Variants in AKT3 observed in about 807,000 individuals in gnomAD.
AKT3 encodes the protein AKT serine/threonine kinase 3.
A neutral mutation model predicts 65.3 loss-of-function variants in AKT3; 15 were observed. The observed-to-expected ratio is 0.23, with a 90% CI of 0.15 to 0.35. AKT3 has a LOEUF of 0.35. Among genes scored for constraint, AKT3 ranks in the 10% least tolerant of loss-of-function variants. AKT3 has a pLI of 1.00. For synonymous variants in AKT3, 206 were observed against 183.8 expected (o/e 1.12, Z -0.98); for missense variants, 243 against 576.5 (o/e 0.42, Z 5.92).
In AKT3 at chr1:243,610,779, C is replaced by T. The variant is rs905957620; in HGVS notation, c.696+2892G>A. ...CGATCAATAGACAAACATATATACA[C>T]ATGTTTACGGTCTAATTTTATTTTA... On this transcript the variant is annotated intron_variant, in intron 8 of 13. Coordinates refer to ENST00000673466, the MANE Select transcript of AKT3 (RefSeq NM_005465.7). Among the ~76,000 whole-genome samples the T allele has an allele frequency of 9.2e-5, 14 of 152,318 alleles. No homozygotes were observed. The East Asian group carries it at 1.5e-3, about 17-fold the overall frequency.
At chr1:243,829,812 C>T (rs1694389844) in intron 2 of AKT3, among the ~76,000 whole-genome samples, 1 of 152,198 alleles carries the variant, frequency 6.6e-6, no homozygotes, top group Non-Finnish European at 1.5e-5. Context: ...TTTATATAAT[C>T]AAAACATAAT....
At chr1:243,750,908 T>C (rs1382179587) in intron 2 of AKT3, among the ~76,000 whole-genome samples, 1 of 152,088 alleles carries the variant, frequency 6.6e-6, no homozygotes, top group Non-Finnish European at 1.5e-5. Context: ...TCAATAACTG[T>C]TCATTAAAAA....
chr1:243,803,645 TACACACACACACACACACACAC>T (rs72379577), intron 2 of AKT3, among the ~76,000 whole-genome samples: 10 of 136,626 alleles, frequency 7.3e-5, no homozygotes, highest in Admixed American at 1.5e-4. Flanking sequence ...GACGTACATG[TACACACACACACACACACACAC>T]ACACACACAC....
chr1:243,645,531 G>A lies in AKT3; in HGVS notation c.429+362C>T, dbSNP rs74991926. On this transcript the variant is annotated intron_variant, in intron 5 of 13. Transcript: ENST00000673466. ...CGAGCCATTACTGCTCGTGCTTTTC[G>A]GGAGAATACGAAATGCGAAATGGAA... 5.1e-3 allele frequency among the ~76,000 whole-genome samples: 782 copies of A among 152,196 alleles called. 9 individuals carry two copies. Among genetic ancestry groups the A allele is most frequent in the African/African-American group, 0.018 (737 of 41,514 alleles).
At chr1:243,746,369 T>A (rs141556120) in intron 2 of AKT3, among the ~76,000 whole-genome samples, 1 of 152,332 alleles carries the variant, frequency 6.6e-6, no homozygotes, top group African/African-American at 2.4e-5. Flanking sequence ...CTAAACATGC[T>A]TTATCTTGAG....
At chr1:243,787,203 G>A (rs970784775) in intron 2 of AKT3, among the ~76,000 whole-genome samples, 6 of 152,120 alleles carry the variant, frequency 3.9e-5, no homozygotes, top group East Asian at 1.9e-4. Context: ...AATTACACAC[G>A]TGAAACTTTA....
intron 6 of AKT3, among the ~76,000 whole-genome samples, chr1:243,618,021 T>C (rs148148566): frequency 5.3e-5 from 8 of 152,332 alleles, no homozygotes; most frequent in East Asian, 1.9e-4. Flanking sequence ...GAGAAAAGTA[T>C]GTATGAAATT....
At chr1:243,697,165 A>AAAT (rs1553435407) in intron 2 of AKT3, among the ~76,000 whole-genome samples, 1 of 152,066 alleles carries the variant, frequency 6.6e-6, no homozygotes, top group Non-Finnish European at 1.5e-5. Context: ...ACTTGAAAAT[A>AAAT]AATTTATTAC....
intron 10 of AKT3, among the ~76,000 whole-genome samples, chr1:243,560,733 T>C (rs564358093): frequency 6.6e-6 from 1 of 152,156 alleles, no homozygotes; most frequent in Non-Finnish European, 1.5e-5. Context: ...CAGAAACAAG[T>C]GGACTCTTCT....
At chr1:243,849,016 G>A (rs1695633567) in intron 1 of AKT3, among the ~76,000 whole-genome samples, 1 of 152,122 alleles carries the variant, frequency 6.6e-6, no homozygotes, top group African/African-American at 2.4e-5. Flanking sequence ...GAAAAACCTG[G>A]CCCCAACGAG....
At chr1:243,510,959 G>C (rs1359107088) in intron 13 of AKT3, among the ~76,000 whole-genome samples, 1 of 152,250 alleles carries the variant, frequency 6.6e-6, no homozygotes, top group African/African-American at 2.4e-5. Flanking sequence ...TCTATGCTGG[G>C]GACAGAGGCC....
chr1:243,653,472 G>A (rs1219933648), intron 4 of AKT3, among the ~76,000 whole-genome samples: 2 of 152,174 alleles, frequency 1.3e-5, no homozygotes, highest in Admixed American at 6.5e-5. Flanking sequence ...TAGAAAAAGA[G>A]GGAATCCTCC....
At chr1:243,753,999 T>C (rs540247493) in intron 2 of AKT3, among the ~76,000 whole-genome samples, 8 of 152,330 alleles carry the variant, frequency 5.3e-5, no homozygotes, top group Admixed American at 2.0e-4. Flanking sequence ...TCTTATTCTC[T>C]GGGTAGATAA....
chr1:243,684,099 A>AT (rs546822330), intron 3 of AKT3, among the ~76,000 whole-genome samples: 150 of 147,844 alleles, frequency 1.0e-3, no homozygotes, highest in African/African-American at 1.1e-3. Flanking sequence ...GATCTTATTT[A>AT]TTTTTTTTTT....
intron 3 of AKT3, among the ~76,000 whole-genome samples, chr1:243,694,745 T>C (rs761931763): frequency 2.4e-4 from 37 of 151,988 alleles, no homozygotes; most frequent in Non-Finnish European, 4.1e-4. Context: ...TTTTCTTGAA[T>C]TTTTTGTTAT....
At chr1:243,655,256 T>C (rs1442358029) in intron 4 of AKT3, among the ~76,000 whole-genome samples, 1 of 152,148 alleles carries the variant, frequency 6.6e-6, no homozygotes, top group Non-Finnish European at 1.5e-5. Context: ...CCAAATGTTT[T>C]GTTTTCAATT....
At chr1:243,850,747 C>G (rs1004254182), upstream of AKT3, among the ~76,000 whole-genome samples, 7 of 150,698 alleles carry the variant, frequency 4.6e-5, no homozygotes, top group African/African-American at 1.7e-4. Context: ...CTCAGGCTTC[C>G]CCGCGCCCCC....
chr1:243,614,004 C>T (rs974285240), intron 7 of AKT3, among the ~76,000 whole-genome samples: 1 of 152,194 alleles, frequency 6.6e-6, no homozygotes, highest in Non-Finnish European at 1.5e-5. Context: ...AAGCACTTCT[C>T]AATCTAATTT....
rs555671415 is a variant in AKT3 at position 243,795,966 on chromosome 1, G to A, written c.46+47159C>T. On this transcript the variant is annotated intron_variant, in intron 2 of 13. Coordinates refer to ENST00000673466, the MANE Select transcript of AKT3 (RefSeq NM_005465.7). Reference sequence around the variant, plus strand: ...ACCTGTCAGTGTACACAGATTTTCCGACCAGCTCCCCTGTTTTCAGCTCCA... The same window carrying A: ...ACCTGTCAGTGTACACAGATTTTCCAACCAGCTCCCCTGTTTTCAGCTCCA... Among the ~76,000 whole-genome samples, 60 of 152,252 alleles carry A rather than the reference G, an allele frequency of 3.9e-4. 1 individual carries two copies. Among genetic ancestry groups the A allele is most frequent in the African/African-American group, 1.3e-3 (53 of 41,536 alleles).
Sources: allele counts gnomAD v4.1 joint callset (sites outside exome capture counted in the v4.1 genomes callset), GRCh38; gene constraint gnomAD v4.1.1; transcripts MANE v1.5; gene names NCBI Gene and HGNC (gene_info 2026-07-23, HGNC 2026-07-21).